ERO1A: variants seen among roughly 807,000 people sequenced by gnomAD.
ERO1A encodes ERO1-like protein alpha.
Under a neutral mutation model 76.9 loss-of-function variants are expected in ERO1A, and 49 were observed. That is an observed-to-expected ratio of 0.64 (90% CI 0.51 to 0.81). ERO1A has a LOEUF of 0.81. Among genes scored for constraint, ERO1A ranks in the 30% least tolerant of loss-of-function variants. The pLI is 0.00. For missense variants in ERO1A, 448 were observed against 542.1 expected (o/e 0.83, Z 1.72); for synonymous variants, 174 against 181.2 (o/e 0.96, Z 0.32).
rs188616222 is a variant in ERO1A at position 52,689,623 on chromosome 14, A to T, written c.115-5716T>A. 2.6e-5 allele frequency among the ~76,000 whole-genome samples: 4 copies of T among 152,308 alleles called. No individual in the cohort carries two copies. In the East Asian group the frequency reaches 7.7e-4, roughly 29 times the overall value. On this transcript the variant is annotated intron_variant, in intron 1 of 15. Coordinates refer to ENST00000395686, the MANE Select transcript of ERO1A (RefSeq NM_014584.3). ...GCTGAAAACTATAAAGCAGTGATTA[A>T]AAAAACTGAAGATTACACAAATAAA...
chr14:52,679,198 C>G (rs1385811999), intron 3 of ERO1A, among the ~76,000 whole-genome samples: 1 of 152,020 alleles, frequency 6.6e-6, no homozygotes, highest in Non-Finnish European at 1.5e-5. Context: ...TATAAATTAC[C>G]CAGTCTCAGG....
At chr14:52,646,935 A>G (rs1052448617) in intron 13 of ERO1A, 1 of 149,828 alleles carries the variant, frequency 6.7e-6, no homozygotes, top group Non-Finnish European at 1.5e-5. Flanking sequence ...GAATGAGAGA[A>G]GGCAGGAATG....
At chr14:52,660,357 C>G (rs1327348002) in intron 9 of ERO1A, among the ~76,000 whole-genome samples, 1 of 152,138 alleles carries the variant, frequency 6.6e-6, no homozygotes, top group Non-Finnish European at 1.5e-5. Context: ...ATCATAGTAG[C>G]CTCCTCTAAT....
intron 1 of ERO1A, among the ~76,000 whole-genome samples, chr14:52,689,385 T>C (rs1030576819): frequency 1.3e-5 from 2 of 152,134 alleles, no homozygotes; most frequent in African/African-American, 2.4e-5. Flanking sequence ...TGATCTTATA[T>C]ATAGAAAATC....
chr14:52,667,840 A>G (rs1044094692), intron 6 of ERO1A, among the ~76,000 whole-genome samples: 12 of 152,176 alleles, frequency 7.9e-5, no homozygotes, highest in Non-Finnish European at 1.3e-4. Flanking sequence ...AAAGTGGACA[A>G]AAACGGTCTC....
At chr14:52,645,839 A>G (rs1351848088) in intron 15 of ERO1A, among the ~76,000 whole-genome samples, 1 of 114,202 alleles carries the variant, frequency 8.8e-6, no homozygotes, top group Non-Finnish European at 1.8e-5. Context: ...CCGTGTTTCT[A>G]CTAAAAATAC....
intron 11 of ERO1A, 108 bp downstream of exon 11, chr14:52,657,809 C>T: frequency 1.4e-6 from 1 of 700,476 alleles, no homozygotes; most frequent in Non-Finnish European, 2.4e-6. Context: ...TTTTTACTGC[C>T]TAATATTCAA....
intron 1 of ERO1A, among the ~76,000 whole-genome samples, chr14:52,694,431 T>C (rs749525820): frequency 4.3e-4 from 66 of 152,212 alleles, no homozygotes; most frequent in Admixed American, 5.9e-4. Flanking sequence ...TTTAAATGCA[T>C]CTTTCCTTTG....
intron 9 of ERO1A, among the ~76,000 whole-genome samples, chr14:52,659,814 T>G (rs2040171551): frequency 6.6e-6 from 1 of 150,544 alleles, no homozygotes; most frequent in South Asian, 2.1e-4. Context: ...TGTGTGTGTG[T>G]GTGTCTGTGT....
chr14:52,667,426 T>C (rs1215531109), intron 6 of ERO1A, among the ~76,000 whole-genome samples: 1 of 152,036 alleles, frequency 6.6e-6, no homozygotes, highest in Non-Finnish European at 1.5e-5. Context: ...ACAAAAAAGA[T>C]GGTCGGTCCC....
At chr14:52,683,957 G>GGGTTCTTTTTCCTCACAT in intron 1 of ERO1A, 50 bp from the exon 2 acceptor site, 2 of 1,466,214 alleles carry the variant, frequency 1.4e-6, no homozygotes, top group South Asian at 2.9e-5. Context: ...AAATGCAACA[G>GGGTTCTTTTTCCTCACAT]GGTTCTTTTT....
chr14:52,643,745 G>A, intron 15 of ERO1A, 115 bp from the exon 16 acceptor site: 1 of 588,144 alleles, frequency 1.7e-6, no homozygotes, highest in Non-Finnish European at 2.9e-6. Context: ...TAAATTTAAG[G>A]TGCATAAACC....
In ERO1A at chr14:52,658,163, GA is replaced by G; in HGVS notation, c.689-14del. 1 of 1,479,426 alleles carries G rather than the reference GA, an allele frequency of 6.8e-7. No individual in the cohort carries two copies. Among genetic ancestry groups the G allele is most frequent in the Admixed American group, 2.0e-5 (1 of 49,424 alleles). 91.6% of individuals were successfully genotyped at this position (1,479,426 alleles called of 1,614,324 possible). A position where few individuals can be genotyped will look rare whatever the true frequency, so the allele number is the denominator to read the frequency against. On this transcript the variant is annotated splice_polypyrimidine_tract_variant and intron_variant, in intron 9 of 15. Coordinates refer to ENST00000395686, the MANE Select transcript of ERO1A (RefSeq NM_014584.3). ...TAAAAAGTGTTCTCTGAAATCAAAA[GA>G]AAAATAAGTCATAAGAATAGAAAAA...
At chr14:52,678,756 G>A in intron 3 of ERO1A, among the ~76,000 whole-genome samples, 1 of 152,112 alleles carries the variant, frequency 6.6e-6, no homozygotes, top group East Asian at 1.9e-4. Flanking sequence ...CCCGTATTTG[G>A]CCACTAGGAG....
At position 52,643,623 on chromosome 14, in the gene ERO1A, T is replaced by C; in HGVS notation, c.1354A>G (p.Thr452Ala). The C allele has an allele frequency of 6.8e-7, 1 of 1,477,248 alleles. No homozygotes were observed. The allele number at this position is 1,477,248 out of a possible 1,614,324, so 91.5% of individuals were successfully genotyped here. A position where few individuals can be genotyped will look rare whatever the true frequency, so the allele number is the denominator to read the frequency against. Residue 452 changes from threonine (T) to alanine (A), a missense_variant, in exon 16 of 16, where the codon ACA becomes GCA. Thr to Ala is a moderately conservative substitution (Grantham distance 58). This residue lies in a region of ERO1A where 302 missense variants were observed against 411.9 expected (regional missense o/e 0.73). Coordinates refer to ENST00000395686, the MANE Select transcript of ERO1A (RefSeq NM_014584.3). Reference protein sequence around the residue: ...SLFNAFGRISTSVKELENFRN... With the variant: ...SLFNAFGRISASVKELENFRN... ...AAGTTTTCTAATTCTTTCACACTTG[T>C]AGAAATTCTGTAACCAAAAAATATT...
chr14:52,671,254 C>A (rs1176527019), intron 6 of ERO1A, among the ~76,000 whole-genome samples: 1 of 152,148 alleles, frequency 6.6e-6, no homozygotes, highest in East Asian at 1.9e-4. Flanking sequence ...CAGTACTGGA[C>A]AATTGGGTTG....
rs1218261101 is a variant in ERO1A at position 52,641,445 on chromosome 14, C to CAAAAAAAAA, written c.*2116_*2124dup. On this transcript the variant is annotated 3_prime_UTR_variant, in exon 16 of 16. Coordinates refer to ENST00000395686, the MANE Select transcript of ERO1A (RefSeq NM_014584.3). ...TGAAACACTGCCTCTACTAAAAATACAAAAAAAAAAAAAAAAAAATTAGCC... is the reference window on the plus strand; with the variant it reads ...TGAAACACTGCCTCTACTAAAAATACAAAAAAAAAAAAAAAAAAAAAAAAAAAATTAGCC... 2 of 74,868 alleles carry CAAAAAAAAA rather than the reference C, an allele frequency of 2.7e-5. No individual in the cohort carries two copies. Among genetic ancestry groups the CAAAAAAAAA allele is most frequent in the Non-Finnish European group, 2.8e-5 (1 of 36,212 alleles). The allele number at this position is 74,868 out of a possible 1,614,324, so 4.6% of individuals were successfully genotyped here.
Position 52,640,322 on chromosome 14 carries a change from T to A in ERO1A, c.*3248A>T, listed in dbSNP as rs2039430861. On this transcript the variant is annotated 3_prime_UTR_variant, in exon 16 of 16. Transcript: ENST00000395686. ...ACAGAGGAAATGCTTATGTCAGGCCTGCAAGATGCATAGGAATTTTCCAAG... is the reference window on the plus strand; with the variant it reads ...ACAGAGGAAATGCTTATGTCAGGCCAGCAAGATGCATAGGAATTTTCCAAG... 6.6e-6 allele frequency: 1 copy of A among 152,250 alleles called. No homozygotes were observed. 9.4% of individuals were successfully genotyped at this position (152,250 alleles called of 1,614,324 possible).
At chr14:52,650,050 C>A (rs1178016850) in intron 13 of ERO1A, among the ~76,000 whole-genome samples, 3 of 151,956 alleles carry the variant, frequency 2.0e-5, no homozygotes, top group Admixed American at 6.6e-5. Flanking sequence ...GACCCCAACT[C>A]AACAAAAAAA....
Sources: gnomAD v4.1 joint callset for allele counts (sites outside exome capture counted in the v4.1 genomes callset) on GRCh38, gnomAD v4.1.1 for gene constraint, gnomAD v4.1.1 regional missense constraint, MANE v1.5 for transcripts, NCBI Gene and HGNC (gene_info 2026-07-23, HGNC 2026-07-21) for gene names.